The following CREB3L3 variants were observed in gnomAD, a reference collection of about 807,000 sequenced individuals.
CREB3L3 encodes cyclic AMP-responsive element-binding protein 3-like protein 3.
In CREB3L3, 40 loss-of-function variants were observed where a neutral mutation model predicts 44.6. The ratio of observed to expected loss-of-function variants is 0.90; its 90% CI spans 0.70 to 1.17. The LOEUF is 1.17. Ranked by LOEUF, CREB3L3 falls within the 50% of genes most tolerant of loss-of-function variation. CREB3L3 has a pLI of 0.00. For missense variants in CREB3L3, 578 were observed against 595.8 expected (o/e 0.97, Z 0.31); for synonymous variants, 273 against 256.3 (o/e 1.06, Z -0.62).
chr19:4,171,127 T>G lies in CREB3L3; in HGVS notation c.927T>G (p.Ile309Met). The change falls in exon 8 of 10, where the codon ATT (isoleucine) becomes ATG (methionine). Residue 309 changes from isoleucine (I) to methionine (M), a missense_variant. Coordinates refer to ENST00000078445, the MANE Select transcript of CREB3L3 (RefSeq NM_032607.3). This position sits in a 1 kb window ranked among gnomAD's most constrained non-coding sequence, Gnocchi z 4.9. ...AGCAACTGAAGAAACTCCAGGCCAT[T>G]GTGGTGCAGTCCACCAGCAAGTCAG... ...LLEQLKKLQA[I>M]VVQSTSKSAQ... 6.2e-7 allele frequency: 1 copy of G among 1,613,996 alleles called. No individual in the cohort carries two copies. Among genetic ancestry groups the G allele is most frequent in the Non-Finnish European group, 8.5e-7 (1 of 1,179,958 alleles).
Position 4,153,675 on chromosome 19 carries a change from G to C in CREB3L3, c.-73G>C. On this transcript the variant is annotated 5_prime_UTR_variant, in exon 1 of 10. Transcript: ENST00000078445. ...GTGAGCTTGCCCGGCCCCAGGTAACGCTGGCGGTGGGTGGGCCTCCAGCTT... is the reference window on the plus strand; with the variant it reads ...GTGAGCTTGCCCGGCCCCAGGTAACCCTGGCGGTGGGTGGGCCTCCAGCTT... The C allele has an allele frequency of 3.8e-6, 6 of 1,589,898 alleles. No individual in the cohort carries two copies. The highest frequency in any genetic ancestry group is 5.2e-6 in the Non-Finnish European group (6 of 1,160,362).
intron 5 of CREB3L3, among the ~76,000 whole-genome samples, chr19:4,167,335 C>CAAGA (rs10525113): frequency 0.019 from 2,219 of 116,080 alleles, 74 homozygotes; most frequent in African/African-American, 0.069. Context: ...AAGAGCGAAA[C>CAAGA]AAGAAAGAAA....
At chr19:4,158,163 C>G (rs536532300) in intron 3 of CREB3L3, among the ~76,000 whole-genome samples, 1 of 152,040 alleles carries the variant, frequency 6.6e-6, no homozygotes, top group Non-Finnish European at 1.5e-5. Flanking sequence ...TCCCTTGACC[C>G]TTGCTATGAG....
In CREB3L3 at chr19:4,160,532, C is replaced by T. The variant is rs890823031; in HGVS notation, c.576+750C>T. On this transcript the variant is annotated intron_variant, in intron 4 of 9. Transcript: ENST00000078445. ...GACTACAGGCGTGCACCACCACACC[C>T]AGCTAATTTTTCTTGTCTTTTTTAT... 8.3e-5 allele frequency among the ~76,000 whole-genome samples: 12 copies of T among 144,492 alleles called. No individual in the cohort carries two copies. In the East Asian group the frequency reaches 2.6e-3, roughly 31 times the overall value. 94.8% of individuals were successfully genotyped at this position (144,492 alleles called of 152,430 possible). A position where few individuals can be genotyped will look rare whatever the true frequency, so the allele number is the denominator to read the frequency against.
chr19:4,160,911 C>CT lies in CREB3L3; in HGVS notation c.576+1147dup, dbSNP rs36008635. ...GCGCCACCTGTCTAATTTTTCTTTT[C>CT]TTTTTTTTTTTTTTTTTTGAGACGG... On this transcript the variant is annotated intron_variant, in intron 4 of 9. Coordinates refer to ENST00000078445, the MANE Select transcript of CREB3L3 (RefSeq NM_032607.3). 5.5e-4 allele frequency among the ~76,000 whole-genome samples: 28 copies of CT among 51,012 alleles called. 1 individual carries two copies. The highest frequency in any genetic ancestry group is 1.3e-3 in the African/African-American group (16 of 12,136). The allele number at this position is 51,012 out of a possible 152,430, so 33.5% of individuals were successfully genotyped here.
chr19:4,153,633 CAG>C lies in CREB3L3; in HGVS notation c.-112_-111del. On this transcript the variant is annotated 5_prime_UTR_variant, in exon 1 of 10. Transcript: ENST00000078445. ...CTTCAGCATCTTTTGGGAGTGGTGA[CAG>C]AGCCACAGAGGGCTGTGAGCTTGCC... The C allele has an allele frequency of 1.6e-6, 2 of 1,289,274 alleles. No individual in the cohort carries two copies. The highest frequency in any genetic ancestry group is 2.5e-5 in the South Asian group (2 of 81,108). 79.9% of individuals were successfully genotyped at this position (1,289,274 alleles called of 1,614,324 possible). A position where few individuals can be genotyped will look rare whatever the true frequency, so the allele number is the denominator to read the frequency against.
chr19:4,157,357 G>A, intron 3 of CREB3L3, 62 bp downstream of exon 3: 2 of 1,559,942 alleles, frequency 1.3e-6, no homozygotes, highest in Non-Finnish European at 1.8e-6. Context: ...TCCTGTAAGT[G>A]AGGAAATGGA....
chr19:4,170,439 G>T (rs925541221), intron 7 of CREB3L3, among the ~76,000 whole-genome samples: 1 of 151,912 alleles, frequency 6.6e-6, no homozygotes, highest in Admixed American at 6.6e-5. Context: ...GTGAAACCCC[G>T]TCTCTACTAA....
At chr19:4,162,759 G>A (rs1242894754) in intron 4 of CREB3L3, among the ~76,000 whole-genome samples, 4 of 151,830 alleles carry the variant, frequency 2.6e-5, no homozygotes, top group African/African-American at 7.3e-5. Context: ...TGGACAGATT[G>A]CTTGAGCCCA....
chr19:4,163,328 A>AAAG (rs1254068917), intron 4 of CREB3L3, among the ~76,000 whole-genome samples: 5 of 135,680 alleles, frequency 3.7e-5, no homozygotes, highest in Admixed American at 8.1e-5. Flanking sequence ...AAGAAGAAAG[A>AAAG]AAAGAAAGAA....
intron 1 of CREB3L3, 51 bp downstream of exon 1, chr19:4,153,825 C>T: frequency 1.2e-6 from 2 of 1,604,978 alleles, no homozygotes; most frequent in Admixed American, 1.7e-5. Flanking sequence ...CTGGGAAAGC[C>T]TACCCAAGCT....
chr19:4,163,190 C>T (rs1022293297), intron 4 of CREB3L3, among the ~76,000 whole-genome samples: 4 of 151,654 alleles, frequency 2.6e-5, no homozygotes, highest in Non-Finnish European at 4.4e-5. Flanking sequence ...CACCTGTAGT[C>T]CCAGCTACTC....
intron 3 of CREB3L3, 29 bp from the exon 4 acceptor site, chr19:4,159,635 C>T: frequency 1.9e-6 from 2 of 1,032,836 alleles, no homozygotes; most frequent in Non-Finnish European, 3.1e-6. Context: ...GACACTCTCC[C>T]TGTCTCCGTC....
At position 4,164,645 on chromosome 19, in the gene CREB3L3, G is replaced by A; in HGVS notation, c.714+5G>A. The A allele has an allele frequency of 2.5e-6, 4 of 1,614,006 alleles. No individual in the cohort carries two copies. Among genetic ancestry groups the A allele is most frequent in the Non-Finnish European group, 3.4e-6 (4 of 1,179,994 alleles). On this transcript the variant is annotated splice_donor_5th_base_variant and intron_variant, in intron 5 of 9. Coordinates refer to ENST00000078445, the MANE Select transcript of CREB3L3 (RefSeq NM_032607.3). ...ACTCAGCTGCCCCTCACTAAGGTGA[G>A]TCTGGGGGGACTTCCAGCCCTGGAT...
rs1213713216 is a variant in CREB3L3, at chr19:4,172,600, G to C, written c.*631G>C. On this transcript the variant is annotated 3_prime_UTR_variant, in exon 10 of 10. Coordinates refer to ENST00000078445, the MANE Select transcript of CREB3L3 (RefSeq NM_032607.3). ...AGACAGACAGACACAGATTGAAACAGACCCAGACAAACAGACAGACACAGC... is the reference window on the plus strand; with the variant it reads ...AGACAGACAGACACAGATTGAAACACACCCAGACAAACAGACAGACACAGC... The C allele has an allele frequency of 1.5e-5, 3 of 201,836 alleles. No homozygotes were observed. Among genetic ancestry groups the C allele is most frequent in the Non-Finnish European group, 2.8e-5 (3 of 106,496 alleles). The allele number at this position is 201,836 out of a possible 1,614,324, so 12.5% of individuals were successfully genotyped here.
Position 4,157,296 on chromosome 19 carries a change from G to A in CREB3L3, c.457+1G>A. The A allele has an allele frequency of 1.2e-6, 2 of 1,614,114 alleles. No individual in the cohort carries two copies. Among genetic ancestry groups the A allele is most frequent in the Non-Finnish European group, 1.7e-6 (2 of 1,180,016 alleles). On this transcript the variant is annotated splice_donor_variant, in intron 3 of 9. Transcript: ENST00000078445. LOFTEE classifies it high-confidence loss of function. ...GAAGCCTCTGTGACCATAGACCTGG[G>A]TGAGTCCTGCTGTGTCTCTGCCCAC...
chr19:4,162,986 A>T (rs1027796534), intron 4 of CREB3L3, among the ~76,000 whole-genome samples: 1 of 152,014 alleles, frequency 6.6e-6, no homozygotes, highest in Admixed American at 6.6e-5. Context: ...CAAAAATAAT[A>T]ATAGTAATAA....
At position 4,171,216 on chromosome 19, in the gene CREB3L3, T is replaced by G; in HGVS notation, c.975+41T>G. The G allele has an allele frequency of 6.4e-7, 1 of 1,566,706 alleles. No individual in the cohort carries two copies. Among genetic ancestry groups the G allele is most frequent in the Admixed American group, 1.7e-5 (1 of 59,898 alleles). ...CCCAGGCAAGCCGGGGACCTAGGCT[T>G]CTGTAGAGGGGCCCATAGGGAGGTG... On this transcript the variant is annotated intron_variant, in intron 8 of 9. Coordinates refer to ENST00000078445, the MANE Select transcript of CREB3L3 (RefSeq NM_032607.3). The surrounding 1 kb of genome is among the most constrained non-coding windows in gnomAD (Gnocchi z 4.9).
At position 4,170,331 on chromosome 19, in the gene CREB3L3, C is replaced by T. The variant is rs1369118953; in HGVS notation, c.890+123C>T. ...GGGAATAAGAGTTTTACCTATGGGC[C>T]GCGTGCAGTGGCTCACGCCTGTAAT... is the stretch of plus-strand genomic sequence containing the variant. On this transcript the variant is annotated intron_variant, in intron 7 of 9. Transcript: ENST00000078445. 21 of 955,580 alleles carry T rather than the reference C, an allele frequency of 2.2e-5. No homozygotes were observed. The East Asian group carries it at 3.3e-4, about 15-fold the overall frequency. 59.2% of individuals were successfully genotyped at this position (955,580 alleles called of 1,614,324 possible).
Sources: allele counts gnomAD v4.1 joint callset (sites outside exome capture counted in the v4.1 genomes callset), GRCh38; gene constraint gnomAD v4.1.1; non-coding constraint Gnocchi (gnomAD v3.1); transcripts MANE v1.5; gene names NCBI Gene and HGNC (gene_info 2026-07-23, HGNC 2026-07-21).